The following YTHDC2 variants were observed in gnomAD, a reference collection of about 807,000 sequenced individuals.
YTHDC2 encodes YTH N6-methyladenosine RNA binding protein C2.
A neutral mutation model predicts 174.9 loss-of-function variants in YTHDC2; 45 were observed. That is an observed-to-expected ratio of 0.26 (90% CI 0.20 to 0.33). The LOEUF is 0.33. Ranked by LOEUF, YTHDC2 falls within the 10% of genes least tolerant of loss-of-function variation. The pLI is 1.00. For synonymous variants in YTHDC2, 657 were observed against 574.5 expected (o/e 1.14, Z -2.05); for missense variants, 1,650 against 1,723.7 (o/e 0.96, Z 0.76).
chr5:113,541,073 A>G lies in YTHDC2; in HGVS notation c.1316A>G (p.Tyr439Cys), dbSNP rs1332184987. 6.2e-7 allele frequency: 1 copy of G among 1,614,188 alleles called. No homozygotes were observed. The highest frequency in any genetic ancestry group is 8.5e-7 in the Non-Finnish European group (1 of 1,180,018). ...QRTVLNVTDEYDLLDDGGDAV... is the reference protein window; with the variant it reads ...QRTVLNVTDECDLLDDGGDAV... ...ACTGTTCTAAATGTGACTGATGAGTATGACTTACTGGATGATGGTGGTGAT... is the reference window on the plus strand; with the variant it reads ...ACTGTTCTAAATGTGACTGATGAGTGTGACTTACTGGATGATGGTGGTGAT... The change falls in exon 9 of 30, where the codon TAT becomes TGT. Residue 439 changes from tyrosine (Y) to cysteine (C), a missense_variant. By Grantham distance (194) the Tyr-to-Cys change is radical. Coordinates refer to ENST00000161863, the MANE Select transcript of YTHDC2 (RefSeq NM_022828.5).
chr5:113,578,121 A>G (rs1249404246), intron 23 of YTHDC2, among the ~76,000 whole-genome samples: 3 of 152,144 alleles, frequency 2.0e-5, no homozygotes, highest in African/African-American at 7.2e-5. Flanking sequence ...ATTGATTATA[A>G]TGTTAATTTT....
chr5:113,561,276 C>A, intron 18 of YTHDC2, 91 bp downstream of exon 18: 1 of 956,786 alleles, frequency 1.0e-6, no homozygotes, highest in Non-Finnish European at 1.5e-6. Flanking sequence ...TTTAAAAAAT[C>A]AATTTGTAAA....
At chr5:113,530,256 G>A (rs969392975) in intron 4 of YTHDC2, among the ~76,000 whole-genome samples, 2 of 151,464 alleles carry the variant, frequency 1.3e-5, no homozygotes, top group African/African-American at 2.4e-5. Flanking sequence ...TCCTTCCCCC[G>A]ACCTCCCCTA....
At chr5:113,582,841 A>G (rs993189550) in intron 25 of YTHDC2, 1 of 152,162 alleles carries the variant, frequency 6.6e-6, no homozygotes, top group Non-Finnish European at 1.5e-5. Context: ...CATTTTAGTA[A>G]TAATTTAACC....
intron 7 of YTHDC2, 48 bp from the exon 8 acceptor site, chr5:113,539,025 AT>A: frequency 1.0e-6 from 1 of 955,272 alleles, no homozygotes; most frequent in Non-Finnish European, 1.5e-6. Flanking sequence ...TTTTATGTGA[AT>A]TTTCTCCAAG....
At position 113,561,960 on chromosome 5, in the gene YTHDC2, GTGT is replaced by G. The variant is rs1561675942; in HGVS notation, c.2322+776_2322+778del. Among the ~76,000 whole-genome samples, 26 of 74,002 alleles carry G rather than the reference GTGT, an allele frequency of 3.5e-4. 1 individual carries two copies. Among genetic ancestry groups the G allele is most frequent in the East Asian group, 1.4e-3 (3 of 2,080 alleles). The allele number at this position is 74,002 out of a possible 152,430, so 48.5% of individuals were successfully genotyped here. A position where few individuals can be genotyped will look rare whatever the true frequency, so the allele number is the denominator to read the frequency against. On this transcript the variant is annotated intron_variant, in intron 18 of 29. Coordinates refer to ENST00000161863, the MANE Select transcript of YTHDC2 (RefSeq NM_022828.5). ...TTTCTGACCTCTATTAATTGTGGGT[GTGT>G]GTGTGTGTGTGTGTGTGTGTGTGTG...
chr5:113,564,423 G>C (rs1407435922), intron 20 of YTHDC2, among the ~76,000 whole-genome samples: 1 of 151,774 alleles, frequency 6.6e-6, no homozygotes, highest in Non-Finnish European at 1.5e-5. Context: ...TCATGTCTTG[G>C]GCAAGGAATG....
intron 2 of YTHDC2, among the ~76,000 whole-genome samples, chr5:113,521,764 A>G (rs1773876675): frequency 6.6e-6 from 1 of 150,628 alleles, no homozygotes; most frequent in South Asian, 2.1e-4. Flanking sequence ...CCAGAAAAAT[A>G]AATTTACTGT....
intron 12 of YTHDC2, among the ~76,000 whole-genome samples, chr5:113,550,277 G>A (rs1367463115): frequency 6.6e-6 from 1 of 151,832 alleles, no homozygotes; most frequent in Non-Finnish European, 1.5e-5. Flanking sequence ...GGTCTCTGTG[G>A]GGGAAAAATT....
intron 17 of YTHDC2, 154 bp downstream of exon 17, chr5:113,556,288 A>G: frequency 2.2e-6 from 1 of 452,882 alleles, no homozygotes; most frequent in Non-Finnish European, 3.9e-6. Flanking sequence ...CCATTTTGAT[A>G]CTTCCTTAAA....
intron 23 of YTHDC2, among the ~76,000 whole-genome samples, chr5:113,570,694 A>T (rs1179346022): frequency 1.3e-5 from 2 of 152,046 alleles, no homozygotes; most frequent in South Asian, 4.2e-4. Context: ...TTTGCCGCCC[A>T]GGTTGGAGTG....
At chr5:113,588,813 CAG>C (rs1778831922) in intron 26 of YTHDC2, among the ~76,000 whole-genome samples, 1 of 151,204 alleles carries the variant, frequency 6.6e-6, no homozygotes, top group Non-Finnish European at 1.5e-5. Flanking sequence ...TCAGTAGAGA[CAG>C]GGTTTCACCA....
intron 24 of YTHDC2, chr5:113,581,147 A>G (rs547880678): frequency 3.6e-6 from 1 of 279,892 alleles, no homozygotes; most frequent in Non-Finnish European, 6.5e-6. Context: ...CCCTGCTGCT[A>G]CTTTTCCAGT....
intron 20 of YTHDC2, among the ~76,000 whole-genome samples, chr5:113,565,406 A>G (rs1777267475): frequency 6.6e-6 from 1 of 152,318 alleles, no homozygotes; most frequent in East Asian, 1.9e-4. Context: ...TTAGTTATAT[A>G]TATACCAAAG....
At chr5:113,530,460 G>A (rs7736165) in intron 4 of YTHDC2, among the ~76,000 whole-genome samples, 134,069 of 152,134 alleles carry the variant, frequency 0.88, 59,203 homozygotes, top group East Asian at 0.97. Flanking sequence ...AGAGTTTGCA[G>A]TATACATTCA....
intron 4 of YTHDC2, among the ~76,000 whole-genome samples, 198 bp downstream of exon 4, chr5:113,526,983 A>G (rs1046161069): frequency 6.6e-6 from 1 of 151,920 alleles, no homozygotes; most frequent in Non-Finnish European, 1.5e-5. Context: ...GAATTTGTAG[A>G]AAGAAAATGT....
chr5:113,533,156 C>G, intron 5 of YTHDC2, 111 bp downstream of exon 5: 3 of 1,213,644 alleles, frequency 2.5e-6, no homozygotes, highest in Non-Finnish European at 3.4e-6. Context: ...TCATTTTGCT[C>G]CAAGTAAGTC....
chr5:113,534,223 G>C, intron 5 of YTHDC2, 82 bp from the exon 6 acceptor site: 1 of 1,011,264 alleles, frequency 9.9e-7, no homozygotes, highest in South Asian at 1.3e-5. Context: ...AAATGTGTAC[G>C]AGGCCAGCAT....
chr5:113,546,185 T>C (rs1264365909), intron 10 of YTHDC2, among the ~76,000 whole-genome samples: 1 of 152,228 alleles, frequency 6.6e-6, no homozygotes, highest in African/African-American at 2.4e-5. Flanking sequence ...AGTTAAGGAA[T>C]TTAAATTCTG....
Sources: gnomAD v4.1 joint callset for allele counts (sites outside exome capture counted in the v4.1 genomes callset) on GRCh38, gnomAD v4.1.1 for gene constraint, MANE v1.5 for transcripts, NCBI Gene and HGNC (gene_info 2026-07-23, HGNC 2026-07-21) for gene names.